Variants in DGKB observed in about 807,000 individuals in gnomAD.
DGKB encodes diacylglycerol kinase beta, also known as 90 kDa diacylglycerol kinase.
A neutral mutation model predicts 114.3 loss-of-function variants in DGKB; 67 were observed. The ratio of observed to expected loss-of-function variants is 0.59; its 90% CI spans 0.48 to 0.72. The LOEUF (loss-of-function observed/expected upper bound fraction) is 0.72, where lower values mean the gene tolerates loss of function less well. Among genes scored for constraint, DGKB ranks in the 30% least tolerant of loss-of-function variants. DGKB has a pLI of 0.00. For missense variants in DGKB, 907 were observed against 975.2 expected (o/e 0.93, Z 0.93); for synonymous variants, 398 against 323.1 (o/e 1.23, Z -2.49).
intron 1 of DGKB, among the ~76,000 whole-genome samples, chr7:14,974,240 A>G (rs1315056710): frequency 2.0e-5 from 3 of 152,158 alleles, no homozygotes; most frequent in Middle Eastern, 3.4e-3. Flanking sequence ...GTGATGACTA[A>G]TATTTTCTTT....
At chr7:14,567,498 TAA>T (rs1797736761) in intron 20 of DGKB, among the ~76,000 whole-genome samples, 1 of 90,432 alleles carries the variant, frequency 1.1e-5, no homozygotes, top group Non-Finnish European at 2.0e-5. Flanking sequence ...ATATTATATA[TAA>T]TTATATAATT....
intron 24 of DGKB, 143 bp downstream of exon 24, chr7:14,177,888 A>T (rs1336921213): frequency 5.9e-6 from 5 of 850,656 alleles, no homozygotes; most frequent in Non-Finnish European, 8.3e-6. Context: ...GCCAATGTCC[A>T]TTATTTTGAA....
At chr7:14,342,151 G>T (rs1400788037) in intron 22 of DGKB, among the ~76,000 whole-genome samples, 1 of 151,764 alleles carries the variant, frequency 6.6e-6, no homozygotes, top group African/African-American at 2.4e-5. Context: ...TGCTAGTCAT[G>T]CCATTCATTA....
intron 23 of DGKB, among the ~76,000 whole-genome samples, chr7:14,247,557 G>A (rs1261612868): frequency 2.0e-5 from 3 of 152,056 alleles, no homozygotes; most frequent in Non-Finnish European, 2.9e-5. Flanking sequence ...GGTGTGAGGT[G>A]ATATCTCATT....
chr7:14,532,007 A>G (rs530129582), intron 20 of DGKB, among the ~76,000 whole-genome samples: 6 of 151,466 alleles, frequency 4.0e-5, no homozygotes, highest in East Asian at 1.9e-4. Flanking sequence ...CCTTTAAACC[A>G]TATACAAAAA....
intron 2 of DGKB, among the ~76,000 whole-genome samples, chr7:14,810,315 C>T (rs1843266787): frequency 6.6e-6 from 1 of 151,974 alleles, no homozygotes; most frequent in Admixed American, 6.6e-5. Context: ...TAATCTATAC[C>T]CAGACTGATT....
chr7:14,961,262 T>G (rs536831925), intron 1 of DGKB, among the ~76,000 whole-genome samples: 31 of 152,276 alleles, frequency 2.0e-4, no homozygotes, highest in Admixed American at 1.3e-3. Flanking sequence ...TTCCACATAA[T>G]AAAGTTTTTT....
chr7:14,752,489 G>A (rs1614700), intron 4 of DGKB, among the ~76,000 whole-genome samples: 3,861 of 152,244 alleles, frequency 0.025, 137 homozygotes, highest in African/African-American at 0.087. Context: ...CAGGAAACAT[G>A]TACGGAGGAA....
intron 2 of DGKB, among the ~76,000 whole-genome samples, chr7:14,767,747 A>T (rs1010794394): frequency 7.9e-5 from 12 of 151,984 alleles, no homozygotes; most frequent in Admixed American, 3.3e-4. Context: ...TTATGTGTGT[A>T]AATCAAAATG....
chr7:14,785,241 A>G (rs1250481940), intron 2 of DGKB, among the ~76,000 whole-genome samples: 1 of 152,226 alleles, frequency 6.6e-6, no homozygotes, highest in Non-Finnish European at 1.5e-5. Flanking sequence ...TAAATAACAA[A>G]TAGGCATTTT....
chr7:14,546,640 C>T (rs571181037), intron 20 of DGKB, among the ~76,000 whole-genome samples: 9 of 152,138 alleles, frequency 5.9e-5, no homozygotes, highest in East Asian at 1.9e-4. Context: ...TCCACTAGGT[C>T]GGGAGCATCT....
At chr7:14,698,019 G>T in intron 8 of DGKB, 76 bp downstream of exon 8, 1 of 746,022 alleles carries the variant, frequency 1.3e-6, no homozygotes, top group Non-Finnish European at 2.3e-6. Flanking sequence ...GAAAGAAAGA[G>T]AAAGAAAGAA....
In DGKB at chr7:14,789,745, T is replaced by C. The variant is rs140452275; in HGVS notation, c.71-32014A>G. ...AATTTAAAAAAAAATTTTGCAGAGT[T>C]ATGGTCTCATACAGGCTTTTATATG... On this transcript the variant is annotated intron_variant, in intron 2 of 25. Transcript: ENST00000402815. Among the ~76,000 whole-genome samples the C allele has an allele frequency of 3.2e-3, 483 of 152,276 alleles. 1 individual carries two copies. The highest frequency in any genetic ancestry group is 0.011 in the African/African-American group (455 of 41,544).
intron 1 of DGKB, among the ~76,000 whole-genome samples, chr7:14,863,091 T>C (rs750188041): frequency 6.7e-6 from 1 of 150,056 alleles, no homozygotes; most frequent in East Asian, 1.9e-4. Context: ...TCATTTTTAA[T>C]AATATTATTT....
intron 23 of DGKB, among the ~76,000 whole-genome samples, chr7:14,179,632 TG>T (rs1222100129): frequency 6.6e-6 from 1 of 152,160 alleles, no homozygotes; most frequent in Non-Finnish European, 1.5e-5. Flanking sequence ...GTAGTTCAAC[TG>T]TGTGGCAGCA....
At chr7:14,732,507 C>A (rs543871170) in intron 5 of DGKB, among the ~76,000 whole-genome samples, 34 of 151,118 alleles carry the variant, frequency 2.2e-4, no homozygotes, top group Admixed American at 1.3e-3. Context: ...TTATTGTTGT[C>A]TATTGTTCCT....
At chr7:14,944,214 G>A (rs567561748) in intron 1 of DGKB, among the ~76,000 whole-genome samples, 1 of 152,036 alleles carries the variant, frequency 6.6e-6, no homozygotes, top group African/African-American at 2.4e-5. Flanking sequence ...GAGAACTGCA[G>A]AGACTAACCA....
chr7:14,533,288 A>G (rs1216910129), intron 20 of DGKB, among the ~76,000 whole-genome samples: 1 of 151,798 alleles, frequency 6.6e-6, no homozygotes, highest in Non-Finnish European at 1.5e-5. Context: ...AGAACAGTAG[A>G]TTCAATTAAT....
intron 21 of DGKB, among the ~76,000 whole-genome samples, chr7:14,396,928 G>T (rs751668981): frequency 6.6e-6 from 1 of 152,076 alleles, no homozygotes; most frequent in African/African-American, 2.4e-5. Context: ...CTTTGAATAA[G>T]GTTGAGAAGA....
Sources: allele counts gnomAD v4.1 joint callset (sites outside exome capture counted in the v4.1 genomes callset), GRCh38; gene constraint gnomAD v4.1.1; transcripts MANE v1.5; gene names NCBI Gene and HGNC (gene_info 2026-07-23, HGNC 2026-07-21).